CARD6: variants seen among roughly 807,000 people sequenced by gnomAD.
CARD6 encodes caspase recruitment domain family member 6.
In CARD6, 27 loss-of-function variants were observed where a neutral mutation model predicts 23.6. The observed-to-expected ratio is 1.14, with a 90% CI of 0.84 to 1.58. The LOEUF is 1.58. CARD6 is among the 40% of genes most tolerant of loss of function. The pLI is 0.00. For synonymous variants in CARD6, 397 were observed against 431.8 expected (o/e 0.92, Z 1.00); for missense variants, 1,214 against 1,209.9 (o/e 1.00, Z -0.05).
Position 40,854,002 on chromosome 5 carries a change from T to C in CARD6, c.2670T>C (p.His890=), listed in dbSNP as rs1220812206. The C allele has an allele frequency of 1.9e-6, 3 of 1,614,110 alleles. No individual in the cohort carries two copies. Among genetic ancestry groups the C allele is most frequent in the Non-Finnish European group, 8.5e-7 (1 of 1,180,020 alleles). Residue 890 remains histidine (H), a synonymous_variant, in exon 3 of 3, where the codon CAT becomes CAC. Coordinates refer to ENST00000254691, the MANE Select transcript of CARD6 (RefSeq NM_032587.4). ...EATGKLIRTS[H]IGKPHPQSFQ... is the part of the protein sequence containing the mutation. ...CTGGAAAACTGATAAGAACATCCCA[T>C]ATTGGAAAGCCTCACCCTCAGTCCT...
chr5:40,852,522 A>G lies in CARD6; in HGVS notation c.1190A>G (p.Asn397Ser). The G allele has an allele frequency of 6.2e-7, 1 of 1,614,210 alleles. No individual in the cohort carries two copies. Among genetic ancestry groups the G allele is most frequent in the Non-Finnish European group, 8.5e-7 (1 of 1,180,032 alleles). Residue 397 changes from asparagine (N) to serine (S), a missense_variant, in exon 3 of 3, where the codon AAC becomes AGC. Coordinates refer to ENST00000254691, the MANE Select transcript of CARD6 (RefSeq NM_032587.4). ...DSSLQRQVMS[N>S]MYQCQFALPL... ...TCTTTGCAACGCCAAGTCATGTCAA[A>G]CATGTATCAGTGCCAGTTTGCTCTT...
At position 40,854,457 on chromosome 5, in the gene CARD6, C is replaced by T; in HGVS notation, c.*11C>T. On this transcript the variant is annotated 3_prime_UTR_variant, in exon 3 of 3. Transcript: ENST00000254691. ...GGAGGGAAGCATTAAAGAGCTAACT[C>T]CAGAGATCTATAAAGCATATCCTTT... The T allele has an allele frequency of 6.3e-7, 1 of 1,592,370 alleles. No individual in the cohort carries two copies. Among genetic ancestry groups the T allele is most frequent in the South Asian group, 1.1e-5 (1 of 90,498 alleles).
At position 40,841,539 on chromosome 5, in the gene CARD6, C is replaced by G. The variant is rs772560009; in HGVS notation, c.157C>G (p.Leu53Val). ...EYETLENVTD[L>V]LKKSRKLLIL... is the part of the protein sequence containing the mutation. Reference sequence around the variant, plus strand: ...TGAGACTCTGGAGAATGTTACAGATCTCCTGAAGAAAAGTCGGAAGCTGTT... The same window carrying G: ...TGAGACTCTGGAGAATGTTACAGATGTCCTGAAGAAAAGTCGGAAGCTGTT... Residue 53 changes from leucine (L) to valine (V), a missense_variant, in exon 1 of 3, where the codon CTC becomes GTC. Leu to Val is a conservative substitution (Grantham distance 32). Transcript: ENST00000254691. 2 of 1,613,852 alleles carry G rather than the reference C, an allele frequency of 1.2e-6. No individual in the cohort carries two copies. Among genetic ancestry groups the G allele is most frequent in the Middle Eastern group, 1.6e-4 (1 of 6,084 alleles).
At chr5:40,842,242 A>C (rs1445380865) in intron 1 of CARD6, among the ~76,000 whole-genome samples, 1 of 152,238 alleles carries the variant, frequency 6.6e-6, no homozygotes, top group Non-Finnish European at 1.5e-5. Flanking sequence ...CAATTCTTCC[A>C]GTTATTTAGC....
chr5:40,848,387 G>A (rs1308431373), intron 2 of CARD6, among the ~76,000 whole-genome samples: 1 of 151,708 alleles, frequency 6.6e-6, no homozygotes, highest in African/African-American at 2.4e-5. Flanking sequence ...GGTTAATTTT[G>A]TATTTTTTGT....
chr5:40,850,739 A>C (rs1156718515), intron 2 of CARD6, among the ~76,000 whole-genome samples: 1 of 150,804 alleles, frequency 6.6e-6, no homozygotes, highest in Non-Finnish European at 1.5e-5. Context: ...AAAAAAAAAA[A>C]AAAAAAACCA....
At chr5:40,851,673 G>A (rs936183714) in intron 2 of CARD6, among the ~76,000 whole-genome samples, 1 of 151,732 alleles carries the variant, frequency 6.6e-6, no homozygotes, top group East Asian at 1.9e-4. Flanking sequence ...AAAATTAGCC[G>A]GGCATGGTGG....
intron 2 of CARD6, among the ~76,000 whole-genome samples, chr5:40,844,344 C>G (rs1236821296): frequency 6.6e-6 from 1 of 152,140 alleles, no homozygotes; most frequent in African/African-American, 2.4e-5. Context: ...GGTGATCCTC[C>G]TACCTCAGCC....
In CARD6 at chr5:40,852,793, T is replaced by C. The variant is rs1443681661; in HGVS notation, c.1461T>C (p.Leu487=). The change falls in exon 3 of 3, where the codon CTT becomes CTC. Residue 487 remains leucine (L), a synonymous_variant. Transcript: ENST00000254691. ...AGTTGAAATTACACAAAATCTTTCT[T>C]CATCAAGATTTGCCTCTTTTGGTGC... ...PAQLKLHKIF[L]HQDLPLLVLP... The C allele has an allele frequency of 1.2e-6, 2 of 1,614,192 alleles. No individual in the cohort carries two copies. The highest frequency in any genetic ancestry group is 1.7e-5 in the Admixed American group (1 of 60,004).
chr5:40,851,152 G>A (rs1746058522), intron 2 of CARD6, among the ~76,000 whole-genome samples: 1 of 151,566 alleles, frequency 6.6e-6, no homozygotes, highest in Non-Finnish European at 1.5e-5. Context: ...GGCCAACATG[G>A]TGAAACCCCA....
Position 40,854,489 on chromosome 5 carries a change from G to A in CARD6, c.*43G>A. The A allele has an allele frequency of 6.7e-7, 1 of 1,484,208 alleles. No homozygotes were observed. The highest frequency in any genetic ancestry group is 2.3e-5 in the East Asian group (1 of 43,956). 91.9% of individuals were successfully genotyped at this position (1,484,208 alleles called of 1,614,324 possible). A position where few individuals can be genotyped will look rare whatever the true frequency, so the allele number is the denominator to read the frequency against. ...TCTATAAAGCATATCCTTTACCCAG[G>A]CCATTCCTATCATATAGTAAGCAGA... On this transcript the variant is annotated 3_prime_UTR_variant, in exon 3 of 3. Coordinates refer to ENST00000254691, the MANE Select transcript of CARD6 (RefSeq NM_032587.4).
chr5:40,853,854 G>T lies in CARD6; in HGVS notation c.2522G>T (p.Arg841Met), dbSNP rs1280628826. The change falls in exon 3 of 3, where the codon AGG becomes ATG. Residue 841 changes from arginine (R) to methionine (M), a missense_variant. Coordinates refer to ENST00000254691, the MANE Select transcript of CARD6 (RefSeq NM_032587.4). ...CCACAAATGATGGGAACTCTTGAAA[G>T]GTCTAGGGCAGTAGCCTCCAAGATA... Reference protein sequence around the residue: ...ERPQMMGTLERSRAVASKIGH... With the variant: ...ERPQMMGTLEMSRAVASKIGH... 1.2e-6 allele frequency: 2 copies of T among 1,614,174 alleles called. No homozygotes were observed. Among genetic ancestry groups the T allele is most frequent in the South Asian group, 2.2e-5 (2 of 91,086 alleles).
rs753754390 is a variant in CARD6 at position 40,853,344 on chromosome 5, C to T, written c.2012C>T (p.Ser671Phe). The change falls in exon 3 of 3, where the codon TCT becomes TTT. Residue 671 changes from serine (S) to phenylalanine (F), a missense_variant. Ser to Phe is a radical substitution (Grantham distance 155). Transcript: ENST00000254691. ...FENTQRIQVSSGENMAGTAEG... is the reference protein window; with the variant it reads ...FENTQRIQVSFGENMAGTAEG... ...AACACTCAGAGAATTCAAGTTTCCT[C>T]TGGAGAAAACATGGCTGGGACAGCT... 79 of 1,614,048 alleles carry T rather than the reference C, an allele frequency of 4.9e-5. 1 individual carries two copies. The East Asian group carries it at 1.7e-3, about 35-fold the overall frequency.
chr5:40,853,682 G>C lies in CARD6; in HGVS notation c.2350G>C (p.Gly784Arg). ...GGCCCAGGGCCGAGGTAAAAGTTTT[G>C]GTATTCAATCCTTCCATCCCCAGAT... is the stretch of plus-strand genomic sequence containing the variant. ...AGAQGRGKSF[G>R]IQSFHPQIFY... Residue 784 changes from glycine (G) to arginine (R), a missense_variant, in exon 3 of 3, where the codon GGT becomes CGT. Transcript: ENST00000254691. The C allele has an allele frequency of 2.5e-6, 4 of 1,614,160 alleles. No individual in the cohort carries two copies. Among genetic ancestry groups the C allele is most frequent in the Non-Finnish European group, 3.4e-6 (4 of 1,180,040 alleles).
Position 40,854,579 on chromosome 5 carries a change from C to T in CARD6, c.*133C>T. ...GTAAAACAAAGAAAGATATACATGA[C>T]TGAATTGGATATCTTTGTTTGTTTG... is the stretch of plus-strand genomic sequence containing the variant. On this transcript the variant is annotated 3_prime_UTR_variant, in exon 3 of 3. Transcript: ENST00000254691. The T allele has an allele frequency of 1.3e-6, 1 of 751,720 alleles. No individual in the cohort carries two copies. Among genetic ancestry groups the T allele is most frequent in the Non-Finnish European group, 2.2e-6 (1 of 459,186 alleles). The allele number at this position is 751,720 out of a possible 1,614,324, so 46.6% of individuals were successfully genotyped here. A position where few individuals can be genotyped will look rare whatever the true frequency, so the allele number is the denominator to read the frequency against.
In CARD6 at chr5:40,843,292, T is replaced by C. The variant is rs1745907882; in HGVS notation, c.424T>C (p.Leu142=). Residue 142 remains leucine (L), a synonymous_variant, in exon 2 of 3, where the codon TTG becomes CTG. Transcript: ENST00000254691. ...VFFSEKEHLD[L]ETSEFFRDKK... ...CTTCAGTGAGAAGGAACACTTGGAT[T>C]TGGAAACCTCTGAGTTTTTCAGGGA... 1.2e-6 allele frequency: 2 copies of C among 1,614,160 alleles called. No individual in the cohort carries two copies. Among genetic ancestry groups the C allele is most frequent in the Non-Finnish European group, 1.7e-6 (2 of 1,180,024 alleles).
Position 40,852,507 on chromosome 5 carries a change from G to C in CARD6, c.1175G>C (p.Arg392Pro). ...TMLCSDSSLQ[R>P]QVMSNMYQCQ... ...CTGTGTTCAGATAGCTCTTTGCAAC[G>C]CCAAGTCATGTCAAACATGTATCAG... Residue 392 changes from arginine to proline, a missense_variant, in exon 3 of 3, where the codon CGC becomes CCC. Transcript: ENST00000254691. 6.2e-7 allele frequency: 1 copy of C among 1,614,138 alleles called. No homozygotes were observed. The highest frequency in any genetic ancestry group is 8.5e-7 in the Non-Finnish European group (1 of 1,180,034).
At position 40,853,267 on chromosome 5, in the gene CARD6, T is replaced by C. The variant is rs1173824631; in HGVS notation, c.1935T>C (p.Asp645=). ...SSCLRCVSVE[D]MAALARELGI... is the part of the protein sequence containing the mutation. ...GCCTCAGATGTGTGTCTGTGGAGGATATGGCCGCCCTGGCCAGGGAGCTGG... is the reference window on the plus strand; with the variant it reads ...GCCTCAGATGTGTGTCTGTGGAGGACATGGCCGCCCTGGCCAGGGAGCTGG... The change falls in exon 3 of 3, where the codon GAT becomes GAC. Residue 645 remains aspartate, a synonymous_variant. Transcript: ENST00000254691. 1.2e-6 allele frequency: 2 copies of C among 1,614,000 alleles called. No individual in the cohort carries two copies. The highest frequency in any genetic ancestry group is 1.7e-6 in the Non-Finnish European group (2 of 1,180,030).
intron 1 of CARD6, among the ~76,000 whole-genome samples, chr5:40,842,021 C>T (rs1325219460): frequency 1.3e-5 from 2 of 152,154 alleles, no homozygotes; most frequent in Non-Finnish European, 2.9e-5. Flanking sequence ...TAGATGAATT[C>T]GTGGATATTT....
Sources: allele counts gnomAD v4.1 joint callset (sites outside exome capture counted in the v4.1 genomes callset), GRCh38; gene constraint gnomAD v4.1.1; transcripts MANE v1.5; gene names NCBI Gene and HGNC (gene_info 2026-07-23, HGNC 2026-07-21).